NDST4: variants seen among roughly 807,000 people sequenced by gnomAD.
NDST4 encodes the protein N-heparan sulfate sulfotransferase 4.
Under a neutral mutation model 100.8 loss-of-function variants are expected in NDST4, and 63 were observed. That is an observed-to-expected ratio of 0.62 (90% CI 0.51 to 0.77). The LOEUF is 0.77. Ranked by LOEUF, NDST4 falls within the 30% of genes least tolerant of loss-of-function variation. The pLI, the probability that NDST4 is intolerant of heterozygous loss-of-function variation, is 0.00. For missense variants in NDST4, 943 were observed against 1,018.4 expected, an observed-to-expected ratio of 0.93 and a Z score of 1.01; for synonymous variants, 377 against 361.8, an observed-to-expected ratio of 1.04 and a Z score of -0.48.
chr4:115,025,684 T>C (rs1727968097), intron 2 of NDST4, among the ~76,000 whole-genome samples: 1 of 152,140 alleles, frequency 6.6e-6, no homozygotes, highest in Non-Finnish European at 1.5e-5. Context: ...AACTCTGTAG[T>C]ATATATTTAT....
At chr4:115,102,130 T>C (rs79129688) in intron 1 of NDST4, among the ~76,000 whole-genome samples, 1,832 of 152,312 alleles carry the variant, frequency 0.012, 34 homozygotes, top group African/African-American at 0.042. Context: ...CAACTGATAA[T>C]TGCTTTGTTT....
intron 2 of NDST4, among the ~76,000 whole-genome samples, chr4:115,006,573 A>T (rs1727421892): frequency 6.6e-6 from 1 of 152,184 alleles, no homozygotes; most frequent in Non-Finnish European, 1.5e-5. Flanking sequence ...TTAAACATGT[A>T]GAGGCATAGG....
At chr4:114,882,261 G>A (rs17622627) in intron 6 of NDST4, among the ~76,000 whole-genome samples, 10,525 of 151,720 alleles carry the variant, frequency 0.069, 442 homozygotes, top group East Asian at 0.13. Flanking sequence ...GAGTTATTTT[G>A]CAAACAAGAA....
At chr4:115,080,691 A>AGTGT (rs34472301) in intron 1 of NDST4, among the ~76,000 whole-genome samples, 1 of 94,020 alleles carries the variant, frequency 1.1e-5, no homozygotes, top group Non-Finnish European at 1.9e-5. Context: ...TATAGTGTGT[A>AGTGT]GTGTGTGTGT....
intron 2 of NDST4, among the ~76,000 whole-genome samples, chr4:115,022,897 G>A (rs952949315): frequency 4.6e-5 from 7 of 152,122 alleles, no homozygotes; most frequent in African/African-American, 1.7e-4. Context: ...ATGATTTTGA[G>A]GCCCCCTCAG....
chr4:115,007,177 A>C (rs1727438589), intron 2 of NDST4, among the ~76,000 whole-genome samples: 1 of 152,174 alleles, frequency 6.6e-6, no homozygotes, highest in Non-Finnish European at 1.5e-5. Context: ...TAAATAATTT[A>C]ACTCTCACTA....
Position 115,010,129 on chromosome 4 carries a change from A to G in NDST4, c.979-32855T>C, listed in dbSNP as rs368631145. On this transcript the variant is annotated intron_variant, in intron 2 of 13. Transcript: ENST00000264363. Reference sequence around the variant, plus strand: ...CGACCATTGTGGAAGTCAGTGTGGCAATTCCTCAGGGATCTAGAACTAGAA... The same window carrying G: ...CGACCATTGTGGAAGTCAGTGTGGCGATTCCTCAGGGATCTAGAACTAGAA... Among the ~76,000 whole-genome samples, 81 of 126,644 alleles carry G rather than the reference A, an allele frequency of 6.4e-4. 12 individuals are homozygous for G. The highest frequency in any genetic ancestry group is 2.3e-3 in the African/African-American group (76 of 33,128). The allele number at this position is 126,644 out of a possible 152,430, so 83.1% of individuals were successfully genotyped here.
At chr4:115,070,019 C>A (rs1729041399) in intron 2 of NDST4, among the ~76,000 whole-genome samples, 1 of 152,096 alleles carries the variant, frequency 6.6e-6, no homozygotes, top group South Asian at 2.1e-4. Context: ...GTGGCAATCC[C>A]TCAAACACCT....
At chr4:114,969,473 C>T (rs562550361) in intron 4 of NDST4, among the ~76,000 whole-genome samples, 1 of 152,208 alleles carries the variant, frequency 6.6e-6, no homozygotes, top group East Asian at 1.9e-4. Context: ...CCTCTCCCTC[C>T]ACACTCAAGC....
intron 6 of NDST4, among the ~76,000 whole-genome samples, chr4:114,879,228 G>A (rs1045281957): frequency 6.6e-6 from 1 of 151,870 alleles, no homozygotes; most frequent in African/African-American, 2.4e-5. Flanking sequence ...ATTATTATTC[G>A]CTATAGTCCC....
intron 5 of NDST4, among the ~76,000 whole-genome samples, chr4:114,936,880 A>C (rs1725639733): frequency 6.6e-6 from 1 of 152,236 alleles, no homozygotes; most frequent in African/African-American, 2.4e-5. Flanking sequence ...TTTAACTCTC[A>C]GATGCTATTT....
At chr4:114,863,334 T>G (rs977579064) in intron 7 of NDST4, among the ~76,000 whole-genome samples, 4 of 152,322 alleles carry the variant, frequency 2.6e-5, no homozygotes, top group African/African-American at 9.6e-5. Context: ...CACAGCAAGG[T>G]AGTTTCAGAT....
At chr4:115,111,607 A>T (rs554905058) in intron 1 of NDST4, among the ~76,000 whole-genome samples, 7 of 151,828 alleles carry the variant, frequency 4.6e-5, no homozygotes, top group Admixed American at 3.3e-4. Context: ...TAATCAATTT[A>T]AAAAATTCAA....
intron 6 of NDST4, among the ~76,000 whole-genome samples, chr4:114,880,943 G>A (rs1278705765): frequency 6.6e-6 from 1 of 152,100 alleles, no homozygotes; most frequent in South Asian, 2.1e-4. Context: ...CTGAGATTAC[G>A]TGTTAAGACA....
At chr4:114,991,640 C>T (rs552988584) in intron 2 of NDST4, among the ~76,000 whole-genome samples, 25 of 151,928 alleles carry the variant, frequency 1.6e-4, no homozygotes, top group African/African-American at 3.4e-4. Flanking sequence ...AAGAGAAAAG[C>T]GAAATCTCAA....
At chr4:114,863,889 G>A (rs1385069124) in intron 7 of NDST4, among the ~76,000 whole-genome samples, 2 of 152,136 alleles carry the variant, frequency 1.3e-5, no homozygotes, top group Non-Finnish European at 2.9e-5. Context: ...TTCCTTGCAA[G>A]GGCAGAAGCA....
chr4:115,028,885 G>A (rs181433413), intron 2 of NDST4, among the ~76,000 whole-genome samples: 69 of 152,140 alleles, frequency 4.5e-4, no homozygotes, highest in Non-Finnish European at 7.5e-4. Context: ...TTTAATAAAC[G>A]GATGATTTAC....
chr4:115,068,356 C>T (rs898917634), intron 2 of NDST4, among the ~76,000 whole-genome samples: 2 of 152,018 alleles, frequency 1.3e-5, no homozygotes, highest in African/African-American at 4.8e-5. Context: ...GAAAACACTA[C>T]GTAGGAAGGA....
chr4:115,097,840 AT>A (rs1166279708), intron 1 of NDST4, among the ~76,000 whole-genome samples: 3 of 152,142 alleles, frequency 2.0e-5, no homozygotes, highest in Non-Finnish European at 2.9e-5. Context: ...GCCTCTCTAT[AT>A]TCTCCAAACA....
Sources: gnomAD v4.1 joint callset for allele counts (sites outside exome capture counted in the v4.1 genomes callset) on GRCh38, gnomAD v4.1.1 for gene constraint, MANE v1.5 for transcripts, NCBI Gene and HGNC (gene_info 2026-07-23, HGNC 2026-07-21) for gene names.